GRHL3: variants seen among roughly 807,000 people sequenced by gnomAD.
GRHL3 encodes grainyhead-like protein 3 homolog.
In GRHL3, 20 loss-of-function variants were observed where a neutral mutation model predicts 70.3. The observed-to-expected ratio is 0.28, with a 90% CI of 0.20 to 0.41. GRHL3 has a LOEUF of 0.41. GRHL3 is among the 10% of genes least tolerant of loss of function. The pLI, the probability that GRHL3 is intolerant of heterozygous loss-of-function variation, is 1.00. For synonymous variants in GRHL3, 299 were observed against 299.9 expected, an observed-to-expected ratio of 1.00 and a Z score of 0.03; for missense variants, 637 against 762.3, an observed-to-expected ratio of 0.84 and a Z score of 1.94.
At chr1:24,340,440 A>G (rs1167767160) in intron 8 of GRHL3, among the ~76,000 whole-genome samples, 1 of 152,186 alleles carries the variant, frequency 6.6e-6, no homozygotes, top group African/African-American at 2.4e-5. Context: ...CCAGTAGTTA[A>G]GCCATTAAGA....
At chr1:24,345,483 G>C (rs2148662885) in intron 12 of GRHL3, among the ~76,000 whole-genome samples, 1 of 151,830 alleles carries the variant, frequency 6.6e-6, no homozygotes, top group East Asian at 2.0e-4. Flanking sequence ...AAACTGCCTG[G>C]GTTTTTATGG....
intron 1 of GRHL3, chr1:24,319,801 C>T: frequency 7.5e-7 from 1 of 1,335,388 alleles, no homozygotes; most frequent in Non-Finnish European, 9.9e-7. Flanking sequence ...TGAGCAGTTT[C>T]GAGCCAGGCA....
At chr1:24,324,626 G>T (rs1224464090) in intron 1 of GRHL3, among the ~76,000 whole-genome samples, 1 of 152,156 alleles carries the variant, frequency 6.6e-6, no homozygotes, top group Admixed American at 6.5e-5. Flanking sequence ...GCCAGCACCC[G>T]GTACTTGGTA....
intron 1 of GRHL3, among the ~76,000 whole-genome samples, chr1:24,329,963 C>T (rs1438119859): frequency 6.6e-6 from 1 of 152,250 alleles, no homozygotes; most frequent in East Asian, 1.9e-4. Context: ...CCCCAGACTA[C>T]CAGAATCAGC....
Position 24,347,481 on chromosome 1 carries a change from G to A in GRHL3, c.1557G>A (p.Val519=). The part of the protein sequence containing the change: ...EGDLQRVLLY[V]RRETEEVFDA... ...CTTGCTTTTCAGTTCTGCTGTATGT[G>A]CGGAGGGAGACTGAGGAGGTGTTTG... Residue 519 remains valine (V), a synonymous_variant, in exon 14 of 16, where the codon GTG becomes GTA. Transcript: ENST00000361548. 6.2e-7 allele frequency: 1 copy of A among 1,614,116 alleles called. No individual in the cohort carries two copies. The highest frequency in any genetic ancestry group is 1.3e-5 in the African/African-American group (1 of 75,050).
intron 2 of GRHL3, among the ~76,000 whole-genome samples, chr1:24,333,422 T>G (rs925153319): frequency 6.6e-5 from 10 of 152,206 alleles, no homozygotes; most frequent in Admixed American, 3.3e-4. Context: ...GAGTACAGGC[T>G]TTGGAGGCTA....
At chr1:24,324,817 C>T (rs1029541669) in intron 1 of GRHL3, among the ~76,000 whole-genome samples, 3 of 152,142 alleles carry the variant, frequency 2.0e-5, no homozygotes, top group South Asian at 2.1e-4. Context: ...ACTCCCATAA[C>T]GATGAGTTCA....
At chr1:24,357,663 A>G (rs2148671814), downstream of GRHL3, 1 of 166,450 alleles carries the variant, frequency 6.0e-6, no homozygotes, top group South Asian at 1.6e-4. Flanking sequence ...GCGTCAGTCA[A>G]AGCCTGCTGG....
chr1:24,343,393 C>T (rs1350614693), intron 11 of GRHL3: 4 of 231,060 alleles, frequency 1.7e-5, no homozygotes, highest in East Asian at 1.8e-4. Context: ...CAGGCATCAC[C>T]GTCCTTACCC....
intron 1 of GRHL3, among the ~76,000 whole-genome samples, chr1:24,325,571 A>G (rs968101823): frequency 7.2e-5 from 11 of 152,180 alleles, no homozygotes; most frequent in African/African-American, 2.7e-4. Flanking sequence ...CTCAGAAGAG[A>G]CTTGTTGGGA....
chr1:24,342,932 G>C lies in GRHL3; in HGVS notation c.1326G>C (p.Glu442Asp). The change falls in exon 11 of 16, where the codon GAG becomes GAC. Residue 442 changes from glutamate (E) to aspartate (D), a missense_variant. Coordinates refer to ENST00000361548, the MANE Select transcript of GRHL3 (RefSeq NM_198173.3). This position sits in a 1 kb window ranked among gnomAD's most constrained non-coding sequence, Gnocchi z 4.8. ...TGCTGTCGGGCTTCAGGGGCAATGAGACGACCTACCTTCGGCCAGAGACTG... is the reference window on the plus strand; with the variant it reads ...TGCTGTCGGGCTTCAGGGGCAATGACACGACCTACCTTCGGCCAGAGACTG... Reference protein sequence around the residue: ...GCLLSGFRGNETTYLRPETDL... With the variant: ...GCLLSGFRGNDTTYLRPETDL... 6.2e-7 allele frequency: 1 copy of C among 1,614,186 alleles called. No individual in the cohort carries two copies. Among genetic ancestry groups the C allele is most frequent in the Non-Finnish European group, 8.5e-7 (1 of 1,180,034 alleles).
At chr1:24,360,050 C>T (rs575401926), downstream of GRHL3, among the ~76,000 whole-genome samples, 1 of 152,308 alleles carries the variant, frequency 6.6e-6, no homozygotes, top group East Asian at 1.9e-4. Flanking sequence ...CTGCCCGCCA[C>T]GAACTCGCTG....
intron 15 of GRHL3, among the ~76,000 whole-genome samples, chr1:24,363,201 G>A (rs1310400535): frequency 1.3e-5 from 2 of 152,190 alleles, no homozygotes; most frequent in East Asian, 1.9e-4. Context: ...GCTGGAGCAC[G>A]CTGAGTTAAT....
At chr1:24,357,530 G>C (rs1640803660), downstream of GRHL3, 1 of 153,660 alleles carries the variant, frequency 6.5e-6, no homozygotes, top group Non-Finnish European at 1.4e-5. Context: ...AAAGTCCCCA[G>C]GTGATTACAG....
chr1:24,338,081 C>T lies in GRHL3; in HGVS notation c.930C>T (p.Ala310=). 1 of 1,611,036 alleles carries T rather than the reference C, an allele frequency of 6.2e-7. No individual in the cohort carries two copies. Among genetic ancestry groups the T allele is most frequent in the Non-Finnish European group, 8.5e-7 (1 of 1,178,252 alleles). ...WKHWHSRQPT[A]KQRVIDVADC... ...ACTGGCATTCCCGGCAACCCACTGC[C>T]AAGCAGCGGGTCATTGACGTGGGTG... is the stretch of plus-strand genomic sequence containing the variant. Residue 310 remains alanine, a synonymous_variant, in exon 7 of 16, where the codon GCC becomes GCT. Coordinates refer to ENST00000361548, the MANE Select transcript of GRHL3 (RefSeq NM_198173.3).
rs1364550971 is a variant in GRHL3 at position 24,344,945 on chromosome 1, C to A, written c.1454+14C>A. 3 of 1,613,100 alleles carry A rather than the reference C, an allele frequency of 1.9e-6. No individual in the cohort carries two copies. Among genetic ancestry groups the A allele is most frequent in the South Asian group, 2.2e-5 (2 of 91,060 alleles). On this transcript the variant is annotated intron_variant, in intron 12 of 15. Coordinates refer to ENST00000361548, the MANE Select transcript of GRHL3 (RefSeq NM_198173.3). ...CAGCTCCAACAGGTATGGAGAGAAA[C>A]AACCACACGCCTCCCTCCACACCTG...
intron 7 of GRHL3, 93 bp from the exon 8 acceptor site, chr1:24,339,575 G>A (rs565981771): frequency 3.6e-5 from 29 of 798,464 alleles, no homozygotes; most frequent in African/African-American, 3.6e-4. Context: ...AACCACGCCC[G>A]GCCGAGTGAG....
intron 4 of GRHL3, 86 bp from the exon 5 acceptor site, chr1:24,336,992 T>C: frequency 2.2e-6 from 3 of 1,350,190 alleles, no homozygotes; most frequent in Non-Finnish European, 3.2e-6. Context: ...CTGTACAACC[T>C]GCATAGCTGT....
chr1:24,321,896 C>T lies in GRHL3; in HGVS notation c.17+2328C>T, dbSNP rs936025913. ...CCTGGAGCCCGCAGCCCTGGGCAGC[C>T]CCGGGCTACCGCAGGGCGCAAGGGA... On this transcript the variant is annotated intron_variant, in intron 1 of 15. Coordinates refer to ENST00000361548, the MANE Select transcript of GRHL3 (RefSeq NM_198173.3). This position sits in a 1 kb window ranked among gnomAD's most constrained non-coding sequence, Gnocchi z 4.0. The T allele has an allele frequency of 6.6e-6, 1 of 152,116 alleles. No individual in the cohort carries two copies. Among genetic ancestry groups the T allele is most frequent in the Non-Finnish European group, 1.5e-5 (1 of 68,006 alleles). The allele number at this position is 152,116 out of a possible 1,614,324, so 9.4% of individuals were successfully genotyped here. A position where few individuals can be genotyped will look rare whatever the true frequency, so the allele number is the denominator to read the frequency against.
Sources: gnomAD v4.1 joint callset for allele counts (sites outside exome capture counted in the v4.1 genomes callset) on GRCh38, gnomAD v4.1.1 for gene constraint, Gnocchi (gnomAD v3.1) non-coding constraint, MANE v1.5 for transcripts, NCBI Gene and HGNC (gene_info 2026-07-23, HGNC 2026-07-21) for gene names.